The following THSD7B variants were observed in gnomAD, a reference collection of about 807,000 sequenced individuals.
THSD7B encodes the protein thrombospondin type-1 domain-containing protein 7B.
THSD7B carries 138 observed loss-of-function variants against 213.6 expected under a neutral mutation model. The ratio of observed to expected loss-of-function variants is 0.65; its 90% CI spans 0.56 to 0.74. The LOEUF (loss-of-function observed/expected upper bound fraction) is 0.74. THSD7B is among the 30% of genes least tolerant of loss of function. THSD7B has a pLI of 0.00. For synonymous variants in THSD7B, 742 were observed against 687.0 expected, an observed-to-expected ratio of 1.08 and a Z score of -1.25; for missense variants, 1,931 against 1,991.5, an observed-to-expected ratio of 0.97 and a Z score of 0.58.
At chr2:137,318,252 T>A (rs1415376257) in intron 12 of THSD7B, among the ~76,000 whole-genome samples, 1 of 152,216 alleles carries the variant, frequency 6.6e-6, no homozygotes, top group Non-Finnish European at 1.5e-5. Context: ...ATGTTCTGGC[T>A]TTATTCTCTA....
At chr2:136,980,470 C>T (rs1031786851) in intron 2 of THSD7B, among the ~76,000 whole-genome samples, 1 of 152,102 alleles carries the variant, frequency 6.6e-6, no homozygotes, top group Non-Finnish European at 1.5e-5. Flanking sequence ...GCAGGGAGGC[C>T]CCACCCCATG....
chr2:137,199,390 T>C (rs1680832942), intron 7 of THSD7B, among the ~76,000 whole-genome samples: 1 of 152,178 alleles, frequency 6.6e-6, no homozygotes, highest in Admixed American at 6.6e-5. Context: ...CCTCCTTCCA[T>C]TTACCTCTTC....
chr2:137,205,850 C>A (rs1194363908), intron 7 of THSD7B, among the ~76,000 whole-genome samples: 1 of 151,972 alleles, frequency 6.6e-6, no homozygotes, highest in African/African-American at 2.4e-5. Flanking sequence ...TTAATTCAGA[C>A]CCTACTTGCT....
At chr2:136,855,226 T>G (rs1683158905) in intron 1 of THSD7B, among the ~76,000 whole-genome samples, 1 of 152,152 alleles carries the variant, frequency 6.6e-6, no homozygotes, top group African/African-American at 2.4e-5. Context: ...AGTGGGTACA[T>G]CTTGACTAAA....
chr2:137,395,741 C>G (rs1686165118), intron 12 of THSD7B, among the ~76,000 whole-genome samples: 1 of 151,928 alleles, frequency 6.6e-6, no homozygotes, highest in Admixed American at 6.6e-5. Flanking sequence ...AGGAATGGTA[C>G]CAGTTCCTCC....
At chr2:137,326,229 G>A (rs1413813381) in intron 12 of THSD7B, among the ~76,000 whole-genome samples, 1 of 152,088 alleles carries the variant, frequency 6.6e-6, no homozygotes, top group Non-Finnish European at 1.5e-5. Context: ...GATACCCAAA[G>A]GAAAATCAGC....
chr2:137,057,347 G>T (rs1215832494), intron 3 of THSD7B, 117 bp downstream of exon 3: 8 of 1,072,328 alleles, frequency 7.5e-6, no homozygotes, highest in Non-Finnish European at 1.0e-5. Flanking sequence ...TATAATTTAG[G>T]TTTTTAGAAG....
chr2:137,521,944 A>G (rs1680192525), intron 15 of THSD7B, among the ~76,000 whole-genome samples: 1 of 152,118 alleles, frequency 6.6e-6, no homozygotes, highest in Admixed American at 6.5e-5. Context: ...TTAGCACAAG[A>G]TACCCAGTGT....
At chr2:137,444,491 T>C (rs1420384257) in intron 14 of THSD7B, among the ~76,000 whole-genome samples, 2 of 152,040 alleles carry the variant, frequency 1.3e-5, no homozygotes, top group Non-Finnish European at 2.9e-5. Context: ...TTTAGTATAG[T>C]GCATTTTTAC....
intron 11 of THSD7B, among the ~76,000 whole-genome samples, chr2:137,273,892 A>G (rs1167224234): frequency 6.6e-6 from 1 of 152,104 alleles, no homozygotes; most frequent in African/African-American, 2.4e-5. Context: ...ATCCAAATGA[A>G]AAAAATTAGC....
chr2:137,125,669 A>T (rs926324485), intron 5 of THSD7B, among the ~76,000 whole-genome samples: 7 of 152,164 alleles, frequency 4.6e-5, no homozygotes, highest in Non-Finnish European at 7.3e-5. Context: ...TCTTAATGGC[A>T]TCTAGAATGG....
intron 2 of THSD7B, among the ~76,000 whole-genome samples, chr2:137,022,546 G>T (rs575403611): frequency 2.7e-5 from 4 of 147,770 alleles, no homozygotes; most frequent in African/African-American, 9.9e-5. Context: ...AAAAATCTTC[G>T]TTTTTTTTTT....
At chr2:136,799,699 T>C (rs1452572574) in intron 1 of THSD7B, among the ~76,000 whole-genome samples, 1 of 151,958 alleles carries the variant, frequency 6.6e-6, no homozygotes, top group Non-Finnish European at 1.5e-5. Context: ...TGTGAAGTGC[T>C]TCTCCTGGAC....
intron 12 of THSD7B, among the ~76,000 whole-genome samples, chr2:137,371,875 T>G (rs1224184106): frequency 6.6e-6 from 1 of 152,194 alleles, no homozygotes; most frequent in Non-Finnish European, 1.5e-5. Context: ...TTTTCTTCAG[T>G]TTAATAGTTT....
chr2:136,772,880 A>T (rs889966931), intron 1 of THSD7B, among the ~76,000 whole-genome samples: 2 of 152,164 alleles, frequency 1.3e-5, no homozygotes, highest in Admixed American at 6.6e-5. Flanking sequence ...ATGAACTTTC[A>T]TGGAAGTGTA....
At chr2:136,816,612 T>G (rs1054451512) in intron 1 of THSD7B, among the ~76,000 whole-genome samples, 2 of 152,206 alleles carry the variant, frequency 1.3e-5, no homozygotes, top group African/African-American at 4.8e-5. Flanking sequence ...TTCTGGTAAT[T>G]TCTTTAGGAT....
chr2:137,141,149 T>TA (rs1177363799), intron 5 of THSD7B, among the ~76,000 whole-genome samples: 4 of 152,020 alleles, frequency 2.6e-5, no homozygotes, highest in African/African-American at 9.7e-5. Context: ...GCTGGTCCCT[T>TA]ACCAGGGCCA....
chr2:137,568,714 C>T (rs1220079316), intron 16 of THSD7B, among the ~76,000 whole-genome samples: 5 of 152,166 alleles, frequency 3.3e-5, no homozygotes, highest in Admixed American at 6.5e-5. Context: ...TGAAAATTCA[C>T]TCACTGTCAC....
At chr2:137,597,868 T>C (rs1212661860) in intron 17 of THSD7B, among the ~76,000 whole-genome samples, 1 of 152,160 alleles carries the variant, frequency 6.6e-6, no homozygotes, top group Non-Finnish European at 1.5e-5. Flanking sequence ...AAATTGTAAT[T>C]ACATTCTCTA....
Sources: allele counts gnomAD v4.1 joint callset (sites outside exome capture counted in the v4.1 genomes callset), GRCh38; gene constraint gnomAD v4.1.1; transcripts MANE v1.5; gene names NCBI Gene and HGNC (gene_info 2026-07-23, HGNC 2026-07-21).